The following NCKAP5 variants were observed in gnomAD, a reference collection of about 807,000 sequenced individuals.
NCKAP5 encodes NCK associated protein 5.
Under a neutral mutation model 167.0 loss-of-function variants are expected in NCKAP5, and 92 were observed. The observed-to-expected ratio is 0.55, with a 90% CI of 0.47 to 0.66. NCKAP5 has a LOEUF of 0.66. Ranked by LOEUF, NCKAP5 falls within the 30% of genes least tolerant of loss-of-function variation. NCKAP5 has a pLI of 0.00. For synonymous variants in NCKAP5, 891 were observed against 877.4 expected (o/e 1.02, Z -0.27); for missense variants, 2,378 against 2,315.0 (o/e 1.03, Z -0.56).
intron 6 of NCKAP5, among the ~76,000 whole-genome samples, chr2:133,129,212 AT>A: frequency 6.6e-6 from 1 of 151,882 alleles, no homozygotes; most frequent in Admixed American, 6.6e-5. Flanking sequence ...GTCATTTAGC[AT>A]TAGGTATATC....
chr2:133,057,160 C>T (rs541115647), intron 6 of NCKAP5, among the ~76,000 whole-genome samples: 4 of 152,124 alleles, frequency 2.6e-5, no homozygotes, highest in Admixed American at 6.5e-5. Context: ...CTGACTGCTC[C>T]ACCAATTGGT....
intron 3 of NCKAP5, among the ~76,000 whole-genome samples, chr2:133,401,154 C>G (rs541034085): frequency 6.6e-6 from 1 of 152,252 alleles, no homozygotes; most frequent in South Asian, 2.1e-4. Context: ...AGAACGTCCA[C>G]AAAAAATCCT....
At position 132,785,470 on chromosome 2, in the gene NCKAP5, C is replaced by T; in HGVS notation, c.1341G>A (p.Lys447=). The part of the protein sequence containing the change: ...YSPGIKSSSL[K]EYPPCKTADL... ...CAGCTGTTTTGCAGGGGGGATACTCCTTGAGGCTGCTACTTTTAATTCCAG... is the reference window on the plus strand; with the variant it reads ...CAGCTGTTTTGCAGGGGGGATACTCTTTGAGGCTGCTACTTTTAATTCCAG... Residue 447 remains lysine (K), a synonymous_variant, in exon 14 of 20, where the codon AAG becomes AAA. Coordinates refer to ENST00000409261, the MANE Select transcript of NCKAP5 (RefSeq NM_207363.3). 1 of 1,613,452 alleles carries T rather than the reference C, an allele frequency of 6.2e-7. No homozygotes were observed. The highest frequency in any genetic ancestry group is 8.5e-7 in the Non-Finnish European group (1 of 1,179,634).
chr2:132,997,487 A>T (rs1278318747), intron 6 of NCKAP5, among the ~76,000 whole-genome samples: 1 of 152,204 alleles, frequency 6.6e-6, no homozygotes, highest in Non-Finnish European at 1.5e-5. Context: ...TCTGTTCATC[A>T]TTATAATTTA....
intron 7 of NCKAP5, among the ~76,000 whole-genome samples, chr2:132,988,807 C>T (rs2077370868): frequency 6.6e-6 from 1 of 152,186 alleles, no homozygotes; most frequent in Non-Finnish European, 1.5e-5. Context: ...GGAATGTAAT[C>T]CCCTAGAGGG....
At chr2:133,468,723 G>C (rs1338338383) in intron 3 of NCKAP5, among the ~76,000 whole-genome samples, 2 of 152,324 alleles carry the variant, frequency 1.3e-5, no homozygotes, top group East Asian at 3.9e-4. Flanking sequence ...ATTTAGGATA[G>C]TCAGCTGTTC....
intron 3 of NCKAP5, among the ~76,000 whole-genome samples, chr2:133,471,254 C>T (rs1225086929): frequency 6.6e-6 from 1 of 152,148 alleles, no homozygotes; most frequent in African/African-American, 2.4e-5. Context: ...GTCATCTTGG[C>T]CTCAGCACGA....
At chr2:133,370,702 AT>A (rs57830853) in intron 3 of NCKAP5, among the ~76,000 whole-genome samples, 5,326 of 138,312 alleles carry the variant, frequency 0.039, 137 homozygotes, top group African/African-American at 0.074. Context: ...TGGCTAACGT[AT>A]TTTTTTTTTT....
intron 11 of NCKAP5, among the ~76,000 whole-genome samples, chr2:132,808,250 T>C (rs1033536477): frequency 6.6e-6 from 1 of 152,158 alleles, no homozygotes; most frequent in South Asian, 2.1e-4. Context: ...CTGGTTTTGG[T>C]ATTAGGGTGA....
At chr2:132,928,040 AC>A (rs1178576000) in intron 8 of NCKAP5, among the ~76,000 whole-genome samples, 1 of 152,130 alleles carries the variant, frequency 6.6e-6, no homozygotes, top group African/African-American at 2.4e-5. Flanking sequence ...GCTTCTCTGA[AC>A]CCTTTCTATA....
At chr2:133,396,633 C>G (rs1447471330) in intron 3 of NCKAP5, among the ~76,000 whole-genome samples, 1 of 152,048 alleles carries the variant, frequency 6.6e-6, no homozygotes, top group Admixed American at 6.6e-5. Context: ...AAGTTCCCCC[C>G]TTTTTATAAG....
At chr2:133,513,968 C>T (rs553558886) in intron 3 of NCKAP5, among the ~76,000 whole-genome samples, 5 of 152,228 alleles carry the variant, frequency 3.3e-5, no homozygotes, top group East Asian at 3.9e-4. Context: ...ATGGGCAGCC[C>T]GGGAATGAGT....
intron 6 of NCKAP5, among the ~76,000 whole-genome samples, chr2:133,093,680 G>T (rs1384460153): frequency 5.3e-5 from 8 of 152,166 alleles, no homozygotes; most frequent in African/African-American, 1.9e-4. Flanking sequence ...GTGGCTTCTG[G>T]TATAGCTGGT....
intron 6 of NCKAP5, among the ~76,000 whole-genome samples, chr2:133,027,244 C>A (rs1174850874): frequency 6.6e-6 from 1 of 152,188 alleles, no homozygotes; most frequent in Admixed American, 6.5e-5. Context: ...CACATCACCC[C>A]AGCATGTAAC....
intron 7 of NCKAP5, among the ~76,000 whole-genome samples, chr2:132,969,520 T>C (rs1030125532): frequency 6.6e-6 from 1 of 152,044 alleles, no homozygotes; most frequent in African/African-American, 2.4e-5. Context: ...GACCCCAGGG[T>C]GAGAGAGCTG....
At chr2:133,041,690 G>A (rs550019086) in intron 6 of NCKAP5, among the ~76,000 whole-genome samples, 9 of 152,022 alleles carry the variant, frequency 5.9e-5, no homozygotes, top group Non-Finnish European at 1.0e-4. Flanking sequence ...AATTATACGA[G>A]ATGAAATACA....
intron 6 of NCKAP5, chr2:133,118,196 T>TA (rs368806670): frequency 1.3e-5 from 2 of 152,294 alleles, no homozygotes; most frequent in East Asian, 3.9e-4. Context: ...CTCTTTTTTT[T>TA]ACCCTACGAT....
At chr2:133,248,509 G>A (rs1163169358) in intron 4 of NCKAP5, among the ~76,000 whole-genome samples, 1 of 152,202 alleles carries the variant, frequency 6.6e-6, no homozygotes, top group Non-Finnish European at 1.5e-5. Flanking sequence ...TTTCAGAGGA[G>A]GGCCTCTGGT....
At chr2:133,280,615 G>T (rs1285508603) in intron 4 of NCKAP5, among the ~76,000 whole-genome samples, 2 of 152,052 alleles carry the variant, frequency 1.3e-5, no homozygotes, top group South Asian at 2.1e-4. Context: ...AATTTGTGAT[G>T]ACTTAGATCC....
Sources: allele counts gnomAD v4.1 joint callset (sites outside exome capture counted in the v4.1 genomes callset), GRCh38; gene constraint gnomAD v4.1.1; transcripts MANE v1.5; gene names NCBI Gene and HGNC (gene_info 2026-07-23, HGNC 2026-07-21).